Variants in CPLX1 observed in about 807,000 individuals in gnomAD.
CPLX1 encodes the protein complexin 1.
CPLX1 carries 6 observed loss-of-function variants against 15.6 expected under a neutral mutation model. The observed-to-expected ratio is 0.39, with a 90% confidence interval of 0.21 to 0.76. CPLX1 has a LOEUF of 0.76. CPLX1 is among the 30% of genes least tolerant of loss of function. The pLI, the probability that CPLX1 is intolerant of heterozygous loss-of-function variation, is 0.43. For missense variants in CPLX1, 242 were observed against 188.6 expected (o/e 1.28, Z -1.66); for synonymous variants, 91 against 75.2 (o/e 1.21, Z -1.08).
chr4:794,458 T>A (rs1746275308), intron 2 of CPLX1, among the ~76,000 whole-genome samples: 1 of 152,218 alleles, frequency 6.6e-6, no homozygotes, highest in Non-Finnish European at 1.5e-5. Context: ...TTCAGCCGCA[T>A]CTGCCATGTT....
intron 2 of CPLX1, among the ~76,000 whole-genome samples, chr4:801,057 G>A (rs1033402115): frequency 6.6e-6 from 1 of 151,230 alleles, no homozygotes; most frequent in Non-Finnish European, 1.5e-5. Flanking sequence ...GCTCACACCT[G>A]TAATCCCAGC....
chr4:809,508 C>G (rs1370542997), intron 2 of CPLX1, among the ~76,000 whole-genome samples: 1 of 152,244 alleles, frequency 6.6e-6, no homozygotes, highest in African/African-American at 2.4e-5. Flanking sequence ...CAGCCTTGAA[C>G]ACGGACACAT....
chr4:801,631 C>A (rs936007792), intron 2 of CPLX1, among the ~76,000 whole-genome samples: 2 of 152,226 alleles, frequency 1.3e-5, no homozygotes, highest in African/African-American at 4.8e-5. Flanking sequence ...GAGCACCAGG[C>A]TACCCCCAAC....
Position 824,614 on chromosome 4 carries a change from GA to G in CPLX1, c.-79-14del. 2 of 1,417,600 alleles carry G rather than the reference GA, an allele frequency of 1.4e-6. No homozygotes were observed. Among genetic ancestry groups the G allele is most frequent in the Non-Finnish European group, 2.0e-6 (2 of 1,003,418 alleles). 87.8% of individuals were successfully genotyped at this position (1,417,600 alleles called of 1,614,324 possible). ...GCGAGTGTTCTTCCTGGGGGAGAGT[GA>G]AGTGGTCACAGGTCACCCTAAGCAG... On this transcript the variant is annotated splice_polypyrimidine_tract_variant and intron_variant, in intron 1 of 3. Coordinates refer to ENST00000304062, the MANE Select transcript of CPLX1 (RefSeq NM_006651.4).
chr4:786,383 C>T lies in CPLX1; in HGVS notation c.*118G>A, dbSNP rs934708485. The T allele has an allele frequency of 8.4e-7, 1 of 1,188,394 alleles. No homozygotes were observed. The highest frequency in any genetic ancestry group is 3.2e-5 in the Admixed American group (1 of 31,270). 73.6% of individuals were successfully genotyped at this position (1,188,394 alleles called of 1,614,324 possible). The stretch of plus-strand genomic sequence containing the variant: ...GGCGGCGGGCGCGGGCAGGGCGGGC[C>T]TGGGGCTATGGCTTATATCGGCGTG... On this transcript the variant is annotated 3_prime_UTR_variant, in exon 4 of 4. Transcript: ENST00000304062.
In CPLX1 at chr4:785,199, C is replaced by T. The variant is rs1745942025; in HGVS notation, c.*1302G>A. 1 of 152,418 alleles carries T rather than the reference C, an allele frequency of 6.6e-6. No individual in the cohort carries two copies. The highest frequency in any genetic ancestry group is 2.1e-4 in the South Asian group (1 of 4,832). 9.4% of individuals were successfully genotyped at this position (152,418 alleles called of 1,614,324 possible). A position where few individuals can be genotyped will look rare whatever the true frequency, so the allele number is the denominator to read the frequency against. ...AACAGGAGTTTTTAAAAGACACGAC[C>T]CGGGAGAAGTCAGTGAGAGGGCACA... On this transcript the variant is annotated 3_prime_UTR_variant, in exon 4 of 4. Coordinates refer to ENST00000304062, the MANE Select transcript of CPLX1 (RefSeq NM_006651.4).
chr4:787,379 T>C, intron 3 of CPLX1: 2 of 985,052 alleles, frequency 2.0e-6, no homozygotes, highest in Non-Finnish European at 2.4e-6. Flanking sequence ...CTGCCCTCCG[T>C]AGTAGCTGAA....
chr4:795,453 C>G (rs998215480), intron 2 of CPLX1, among the ~76,000 whole-genome samples: 1 of 152,226 alleles, frequency 6.6e-6, no homozygotes, highest in African/African-American at 2.4e-5. Flanking sequence ...CCAGAGGAGG[C>G]CGCTGCGGCG....
chr4:786,534 C>T lies in CPLX1; in HGVS notation c.372G>A (p.Leu124=). 1.2e-6 allele frequency: 2 copies of T among 1,604,174 alleles called. No individual in the cohort carries two copies. Among genetic ancestry groups the T allele is most frequent in the Non-Finnish European group, 1.7e-6 (2 of 1,175,540 alleles). The change falls in exon 4 of 4, where the codon CTG becomes CTA. Residue 124 remains leucine (L), a synonymous_variant. Transcript: ENST00000304062. ...ESILDTVIKY[L]PGPLQDMLKK ...TGAGCATGTCCTGCAGCGGCCCGGGCAGGTACTTGATGACGGTGTCCAGGA... is the reference window on the plus strand; with the variant it reads ...TGAGCATGTCCTGCAGCGGCCCGGGTAGGTACTTGATGACGGTGTCCAGGA...
At chr4:794,352 C>T (rs1746272230) in intron 2 of CPLX1, among the ~76,000 whole-genome samples, 1 of 152,252 alleles carries the variant, frequency 6.6e-6, no homozygotes, top group South Asian at 2.1e-4. Context: ...CTGCCCTCGT[C>T]GCTGCTGGGG....
intron 2 of CPLX1, among the ~76,000 whole-genome samples, chr4:814,074 G>C (rs1260009031): frequency 6.6e-6 from 1 of 152,198 alleles, no homozygotes; most frequent in Middle Eastern, 3.2e-3. Context: ...TGTGAACTCA[G>C]AGGCCTCTCT....
intron 2 of CPLX1, among the ~76,000 whole-genome samples, chr4:796,017 C>T (rs939992422): frequency 6.6e-6 from 1 of 152,200 alleles, no homozygotes; most frequent in Non-Finnish European, 1.5e-5. Flanking sequence ...CACCCACGCT[C>T]CCGAGACGCC....
At chr4:800,737 AT>A (rs1560241226) in intron 2 of CPLX1, among the ~76,000 whole-genome samples, 746 of 9,286 alleles carry the variant, frequency 0.08, 10 homozygotes, top group East Asian at 0.18. Context: ...AAAAAAAAAT[AT>A]ATATATATAT....
At chr4:819,798 C>T (rs944596961) in intron 2 of CPLX1, among the ~76,000 whole-genome samples, 1 of 152,242 alleles carries the variant, frequency 6.6e-6, no homozygotes, top group Non-Finnish European at 1.5e-5. Flanking sequence ...GGGGTTGCCC[C>T]TTAGCTCCTC....
chr4:787,562 TG>T lies in CPLX1; in HGVS notation c.208-865del, dbSNP rs543554301. 82 of 668,628 alleles carry T rather than the reference TG, an allele frequency of 1.2e-4. No homozygotes were observed. In the African/African-American group the frequency reaches 1.6e-3, roughly 13 times the overall value. The allele number at this position is 668,628 out of a possible 1,614,324, so 41.4% of individuals were successfully genotyped here. A position where few individuals can be genotyped will look rare whatever the true frequency, so the allele number is the denominator to read the frequency against. On this transcript the variant is annotated intron_variant, in intron 3 of 3. Coordinates refer to ENST00000304062, the MANE Select transcript of CPLX1 (RefSeq NM_006651.4). Reference sequence around the variant, plus strand: ...GAGACAGAAAGGACAGACACCCGGATGGGGGCGGGCATACGAAAGCGGAGGA... The same window carrying T: ...GAGACAGAAAGGACAGACACCCGGATGGGGCGGGCATACGAAAGCGGAGGA...
At position 792,552 on chromosome 4, in the gene CPLX1, C is replaced by G. The variant is rs1286618959; in HGVS notation, c.88G>C (p.Ala30Pro). 1 of 1,613,516 alleles carries G rather than the reference C, an allele frequency of 6.2e-7. No homozygotes were observed. The highest frequency in any genetic ancestry group is 1.7e-5 in the Admixed American group (1 of 60,016). ...LGGDEEKDPD[A>P]AKKEEERQEA... is the part of the protein sequence containing the mutation. ...TGCCGCTCCTCCTCCTTCTTGGCGG[C>G]GTCTGGGTCCTTCTCCTCGTCACCC... Residue 30 changes from alanine to proline, a missense_variant, in exon 3 of 4, where the codon GCC (alanine) becomes CCC (proline). Physicochemically the swap from Ala to Pro is conservative, Grantham distance 27. Coordinates refer to ENST00000304062, the MANE Select transcript of CPLX1 (RefSeq NM_006651.4).
chr4:818,660 G>A (rs1746805818), intron 2 of CPLX1, among the ~76,000 whole-genome samples: 1 of 152,264 alleles, frequency 6.6e-6, no homozygotes, highest in African/African-American at 2.4e-5. Flanking sequence ...GGCCGAATGA[G>A]GGCCAAGGAT....
chr4:801,700 G>A (rs576900933), intron 2 of CPLX1, among the ~76,000 whole-genome samples: 16 of 152,302 alleles, frequency 1.1e-4, no homozygotes, highest in African/African-American at 3.6e-4. Context: ...TTTGATGTTC[G>A]CACAGCAACA....
chr4:814,669 C>A (rs1411265825), intron 2 of CPLX1, among the ~76,000 whole-genome samples: 1 of 152,238 alleles, frequency 6.6e-6, no homozygotes, highest in Non-Finnish European at 1.5e-5. Context: ...ATCTGAAGAA[C>A]CAGGGGCTAC....
Sources: gnomAD v4.1 joint callset for allele counts (sites outside exome capture counted in the v4.1 genomes callset) on GRCh38, gnomAD v4.1.1 for gene constraint, MANE v1.5 for transcripts, NCBI Gene and HGNC (gene_info 2026-07-23, HGNC 2026-07-21) for gene names.